Variants in BAG4 observed in about 807,000 individuals in gnomAD.
BAG4 encodes the protein BAG family molecular chaperone regulator 4.
BAG4 carries 28 observed loss-of-function variants against 52.1 expected under a neutral mutation model. That is an observed-to-expected ratio of 0.54 (90% CI 0.40 to 0.74). The LOEUF is 0.74. Among genes scored for constraint, BAG4 ranks in the 30% least tolerant of loss-of-function variants. The probability of loss-of-function intolerance (pLI) is 0.00; values close to 1 mark genes in which losing one functional copy is unlikely to be tolerated. For missense variants in BAG4, 525 were observed against 572.0 expected (o/e 0.92, Z 0.84); for synonymous variants, 208 against 217.0 (o/e 0.96, Z 0.37).
intron 1 of BAG4, among the ~76,000 whole-genome samples, chr8:38,191,046 A>G (rs1294251796): frequency 1.3e-5 from 2 of 152,188 alleles, no homozygotes; most frequent in African/African-American, 2.4e-5. Flanking sequence ...GGCGTGAGCC[A>G]CTGTGCCTGG....
intron 2 of BAG4, among the ~76,000 whole-genome samples, chr8:38,199,666 G>A (rs1473058017): frequency 2.6e-5 from 4 of 151,820 alleles, no homozygotes; most frequent in Non-Finnish European, 5.9e-5. Flanking sequence ...TGGGAATAAA[G>A]GTGCCCGCCA....
chr8:38,177,152 C>T lies in BAG4; in HGVS notation c.270+13C>T. On this transcript the variant is annotated intron_variant, in intron 1 of 4. Coordinates refer to ENST00000287322, the MANE Select transcript of BAG4 (RefSeq NM_004874.4). ...AGGAAGCCACCAGGTAAGCTTTGCACCCTCTGTCCTTGCGGGGAGGTGAGG... is the reference window on the plus strand; with the variant it reads ...AGGAAGCCACCAGGTAAGCTTTGCATCCTCTGTCCTTGCGGGGAGGTGAGG... 6.2e-7 allele frequency: 1 copy of T among 1,610,436 alleles called. No homozygotes were observed. The highest frequency in any genetic ancestry group is 1.3e-5 in the African/African-American group (1 of 74,898).
intron 1 of BAG4, among the ~76,000 whole-genome samples, chr8:38,181,107 ATTTT>A (rs1192266223): frequency 8.2e-6 from 1 of 121,274 alleles, no homozygotes; most frequent in Non-Finnish European, 1.8e-5. Context: ...CGCCCGGCCA[ATTTT>A]TTTGTATTTT....
intron 2 of BAG4, among the ~76,000 whole-genome samples, chr8:38,200,620 T>C (rs1803645925): frequency 6.6e-6 from 1 of 152,048 alleles, no homozygotes; most frequent in Admixed American, 6.6e-5. Flanking sequence ...TTTTTTGAGC[T>C]GGAGTTTTGC....
At chr8:38,202,367 G>A (rs1803693801) in intron 2 of BAG4, 1 of 152,230 alleles carries the variant, frequency 6.6e-6, no homozygotes, top group Admixed American at 6.6e-5. Flanking sequence ...CTGGGCTCAA[G>A]CGATCCTCCC....
intron 1 of BAG4, among the ~76,000 whole-genome samples, chr8:38,188,621 G>GTA (rs1803409922): frequency 6.9e-6 from 1 of 145,886 alleles, no homozygotes; most frequent in Non-Finnish European, 1.5e-5. Flanking sequence ...ATATATACAT[G>GTA]TACACATATA....
At chr8:38,197,788 C>G (rs769234406) in intron 2 of BAG4, among the ~76,000 whole-genome samples, 2 of 152,146 alleles carry the variant, frequency 1.3e-5, no homozygotes, top group Non-Finnish European at 2.9e-5. Flanking sequence ...CAACCTCCAT[C>G]TCCTGGGTTC....
intron 1 of BAG4, among the ~76,000 whole-genome samples, chr8:38,186,581 A>G (rs914691847): frequency 6.6e-6 from 1 of 152,192 alleles, no homozygotes; most frequent in Non-Finnish European, 1.5e-5. Flanking sequence ...GCTGGAGAGA[A>G]CCAGGAAAAG....
chr8:38,185,330 T>C (rs1353862119), intron 1 of BAG4, among the ~76,000 whole-genome samples: 1 of 152,156 alleles, frequency 6.6e-6, no homozygotes, highest in Non-Finnish European at 1.5e-5. Context: ...TTTAACTTCT[T>C]TGTATATTTT....
intron 2 of BAG4, among the ~76,000 whole-genome samples, chr8:38,196,812 C>T (rs1316809275): frequency 6.6e-6 from 1 of 152,022 alleles, no homozygotes; most frequent in African/African-American, 2.4e-5. Flanking sequence ...TGCGGTGGCT[C>T]ACACCTGTAA....
At position 38,210,548 on chromosome 8, in the gene BAG4, T is replaced by C. The variant is rs1803850951; in HGVS notation, c.*55T>C. On this transcript the variant is annotated 3_prime_UTR_variant, in exon 5 of 5. Coordinates refer to ENST00000287322, the MANE Select transcript of BAG4 (RefSeq NM_004874.4). The stretch of plus-strand genomic sequence containing the variant: ...ACTAACTTGACCAAAGAACACTTGA[T>C]TTGGTTAATTACCCTCTTTTTGAAA... 9.3e-6 allele frequency: 14 copies of C among 1,508,406 alleles called. No homozygotes were observed. The highest frequency in any genetic ancestry group is 1.2e-5 in the Non-Finnish European group (14 of 1,131,400). 93.4% of individuals were successfully genotyped at this position (1,508,406 alleles called of 1,614,324 possible). A position where few individuals can be genotyped will look rare whatever the true frequency, so the allele number is the denominator to read the frequency against.
At chr8:38,199,249 G>A (rs1286347471) in intron 2 of BAG4, among the ~76,000 whole-genome samples, 4 of 152,148 alleles carry the variant, frequency 2.6e-5, no homozygotes, top group Non-Finnish European at 4.4e-5. Context: ...CAATTATTTG[G>A]CTCCATTATA....
At chr8:38,187,949 A>T (rs1803392285) in intron 1 of BAG4, among the ~76,000 whole-genome samples, 1 of 147,970 alleles carries the variant, frequency 6.8e-6, no homozygotes, top group Non-Finnish European at 1.5e-5. Context: ...AGGCAGGAGA[A>T]TGGCATGAAC....
chr8:38,206,368 T>C (rs1251590083), intron 2 of BAG4, among the ~76,000 whole-genome samples: 3 of 151,602 alleles, frequency 2.0e-5, no homozygotes, highest in Non-Finnish European at 4.4e-5. Flanking sequence ...TTGAATCTTG[T>C]TTGGATTATT....
At chr8:38,199,670 C>A (rs184855593) in intron 2 of BAG4, among the ~76,000 whole-genome samples, 33 of 151,824 alleles carry the variant, frequency 2.2e-4, no homozygotes, top group Admixed American at 5.9e-4. Flanking sequence ...AATAAAGGTG[C>A]CCGCCACCAC....
intron 2 of BAG4, among the ~76,000 whole-genome samples, chr8:38,203,686 T>C (rs1803722462): frequency 6.6e-6 from 1 of 151,864 alleles, no homozygotes; most frequent in Non-Finnish European, 1.5e-5. Context: ...CCCTGTGATA[T>C]AGGCTGGGTG....
chr8:38,208,889 G>A (rs954247954), intron 3 of BAG4, 124 bp from the exon 4 acceptor site: 1 of 1,185,252 alleles, frequency 8.4e-7, no homozygotes, highest in African/African-American at 1.6e-5. Context: ...CTACAGTTTA[G>A]TCCGGTAGCA....
At chr8:38,189,783 GT>G (rs1563281005) in intron 1 of BAG4, among the ~76,000 whole-genome samples, 1 of 151,926 alleles carries the variant, frequency 6.6e-6, no homozygotes. Flanking sequence ...ATCCATATTT[GT>G]TTGTTTTGCA....
chr8:38,209,709 T>G (rs1236206024), intron 4 of BAG4, among the ~76,000 whole-genome samples: 2 of 152,170 alleles, frequency 1.3e-5, no homozygotes, highest in African/African-American at 4.8e-5. Context: ...AAAAACTAAT[T>G]CTTATTAATT....
Sources: allele counts gnomAD v4.1 joint callset (sites outside exome capture counted in the v4.1 genomes callset), GRCh38; gene constraint gnomAD v4.1.1; transcripts MANE v1.5; gene names NCBI Gene and HGNC (gene_info 2026-07-23, HGNC 2026-07-21).